NAV1: variants seen among roughly 807,000 people sequenced by gnomAD.
NAV1 encodes neuron navigator 1.
Under a neutral mutation model 175.2 loss-of-function variants are expected in NAV1, and 18 were observed. That is an observed-to-expected ratio of 0.10 (90% CI 0.07 to 0.15). The LOEUF is 0.15. Among genes scored for constraint, NAV1 ranks in the 10% least tolerant of loss-of-function variants. NAV1 has a pLI of 1.00. For missense variants in NAV1, 1,731 were observed against 2,436.6 expected (o/e 0.71, Z 6.10); for synonymous variants, 897 against 978.7 (o/e 0.92, Z 1.56).
chr1:201,670,807 A>G (rs935634495), intron 1 of NAV1, among the ~76,000 whole-genome samples: 4 of 148,406 alleles, frequency 2.7e-5, no homozygotes, highest in Non-Finnish European at 6.0e-5. Context: ...TGATGTTTTG[A>G]TGATGGTGGT....
At chr1:201,613,190 C>T (rs1478948393) in intron 2 of NAV1, among the ~76,000 whole-genome samples, 1 of 152,050 alleles carries the variant, frequency 6.6e-6, no homozygotes, top group African/African-American at 2.4e-5. Context: ...TCAGAAGGAC[C>T]TCTATGAAAA....
chr1:201,753,109 T>G (rs1474354247), intron 3 of NAV1, among the ~76,000 whole-genome samples: 1 of 152,062 alleles, frequency 6.6e-6, no homozygotes, highest in Non-Finnish European at 1.5e-5. Flanking sequence ...CAAAGAAAGC[T>G]TTGGAAGGAA....
chr1:201,553,785 C>T (rs926669056), intron 1 of NAV1, among the ~76,000 whole-genome samples: 8 of 152,180 alleles, frequency 5.3e-5, no homozygotes, highest in African/African-American at 1.9e-4. Context: ...TTGTGTCTGG[C>T]TTCTTAGCTC....
chr1:201,607,154 C>T (rs2102244591), intron 2 of NAV1, among the ~76,000 whole-genome samples: 1 of 142,636 alleles, frequency 7.0e-6, no homozygotes, highest in East Asian at 2.1e-4. Context: ...CTCCCTCTGT[C>T]ACCCAGGCTG....
chr1:201,555,661 A>G lies in NAV1; in HGVS notation c.-144+16319A>G, dbSNP rs142631019. ...TCCCCTGCGCCATCACCCCTACCTT[A>G]GTGAGGCTCAGAAGGAGGGAGGGCT... On this transcript the variant is annotated intron_variant, in intron 1 of 33. Transcript: ENST00000685211. 5.5e-3 allele frequency among the ~76,000 whole-genome samples: 837 copies of G among 152,018 alleles called. 7 individuals carry two copies. The highest frequency in any genetic ancestry group is 0.019 in the African/African-American group (789 of 41,474).
At chr1:201,629,011 T>C (rs1269163428) in intron 1 of NAV1, among the ~76,000 whole-genome samples, 1 of 152,218 alleles carries the variant, frequency 6.6e-6, no homozygotes, top group Non-Finnish European at 1.5e-5. Context: ...CCTGTGTATA[T>C]GTACATGGCT....
intron 1 of NAV1, among the ~76,000 whole-genome samples, chr1:201,583,374 C>A (rs1359592901): frequency 6.6e-6 from 1 of 152,280 alleles, no homozygotes; most frequent in Non-Finnish European, 1.5e-5. Flanking sequence ...TTTTTCCCAT[C>A]TGCAATTAAG....
At chr1:201,725,052 A>T (rs1262522118) in intron 3 of NAV1, 1 of 152,250 alleles carries the variant, frequency 6.6e-6, no homozygotes, top group African/African-American at 2.4e-5. Context: ...CAGCCTCTGC[A>T]GCTACCCTCC....
At chr1:201,819,934 G>T in exon 30 of NAV1, 1 of 1,614,054 alleles carries the variant, frequency 6.2e-7, no homozygotes, top group African/African-American at 1.3e-5. Flanking sequence ...ACACTTTAAG[G>T]GTTCGGCAAT....
intron 2 of NAV1, among the ~76,000 whole-genome samples, chr1:201,589,416 G>A (rs1667127016): frequency 6.6e-6 from 1 of 151,724 alleles, no homozygotes; most frequent in Admixed American, 6.6e-5. Context: ...GTAGGGAAAT[G>A]TTAAATTAAG....
At chr1:201,550,243 C>T (rs1665816322) in intron 1 of NAV1, among the ~76,000 whole-genome samples, 1 of 152,248 alleles carries the variant, frequency 6.6e-6, no homozygotes, top group East Asian at 1.9e-4. Flanking sequence ...ACCAATGCAG[C>T]TCACTGCAGC....
intron 2 of NAV1, among the ~76,000 whole-genome samples, chr1:201,642,262 G>A (rs906336101): frequency 5.4e-5 from 8 of 146,930 alleles, no homozygotes; most frequent in African/African-American, 2.0e-4. Flanking sequence ...GCCCAGGCTG[G>A]AGTGCAGTGG....
chr1:201,549,197 CTTCT>C (rs1042321602), intron 1 of NAV1, among the ~76,000 whole-genome samples: 12 of 137,642 alleles, frequency 8.7e-5, no homozygotes, highest in Admixed American at 3.1e-4. Context: ...TCCTTCCTTC[CTTCT>C]TTCTTTCTTT....
chr1:201,614,550 C>T (rs368904488), intron 2 of NAV1, among the ~76,000 whole-genome samples: 4 of 152,358 alleles, frequency 2.6e-5, no homozygotes, highest in African/African-American at 2.4e-5. Context: ...TGCTTAGGCT[C>T]TCACCACCCT....
In NAV1 at chr1:201,750,416, A is replaced by T. The variant is rs562192526; in HGVS notation, c.1227-30005A>T. On this transcript the variant is annotated intron_variant, in intron 3 of 29. Transcript: ENST00000367296. This position sits in a 1 kb window ranked among gnomAD's most constrained non-coding sequence, Gnocchi z 4.1. ...GGAAGAGGGGCAGGTGGACTTGGTG[A>T]CTCTGCCTCCCTTTCAAACAGAGCA... is the stretch of plus-strand genomic sequence containing the variant. 1.1e-4 allele frequency among the ~76,000 whole-genome samples: 16 copies of T among 151,964 alleles called. No individual in the cohort carries two copies. The South Asian group carries it at 1.5e-3, about 14-fold the overall frequency.
chr1:201,756,176 A>G (rs1459011321), intron 3 of NAV1, among the ~76,000 whole-genome samples: 1 of 152,042 alleles, frequency 6.6e-6, no homozygotes, highest in Non-Finnish European at 1.5e-5. Flanking sequence ...TTGCCACTTA[A>G]CAGTTTAATT....
chr1:201,711,542 A>G (rs879758271), intron 1 of NAV1, among the ~76,000 whole-genome samples: 39 of 152,244 alleles, frequency 2.6e-4, no homozygotes, highest in Admixed American at 2.0e-3. Flanking sequence ...TGGGCTGAGG[A>G]GGGACTGAGG....
chr1:201,695,458 C>G (rs1671150779), intron 1 of NAV1, among the ~76,000 whole-genome samples: 1 of 152,206 alleles, frequency 6.6e-6, no homozygotes, highest in Non-Finnish European at 1.5e-5. Context: ...CACATTTGAC[C>G]AGCCAGGGGG....
intron 1 of NAV1, among the ~76,000 whole-genome samples, chr1:201,565,011 C>T (rs1008191900): frequency 1.3e-5 from 2 of 152,158 alleles, no homozygotes; most frequent in Non-Finnish European, 2.9e-5. Context: ...GATACCCTAC[C>T]CATTCCAGGG....
Sources: allele counts gnomAD v4.1 joint callset (sites outside exome capture counted in the v4.1 genomes callset), GRCh38; gene constraint gnomAD v4.1.1; non-coding constraint Gnocchi (gnomAD v3.1); transcripts MANE v1.5; gene names NCBI Gene and HGNC (gene_info 2026-07-23, HGNC 2026-07-21).